The following PIGL variants were observed in gnomAD, a reference collection of about 807,000 sequenced individuals.
PIGL encodes phosphatidylinositol glycan anchor biosynthesis class L.
PIGL carries 22 observed loss-of-function variants against 31.1 expected under a neutral mutation model. That is an observed-to-expected ratio of 0.71 (90% CI 0.51 to 1.01). The LOEUF (loss-of-function observed/expected upper bound fraction) is 1.01. PIGL is among the 50% of genes least tolerant of loss of function. The pLI is 0.00. For missense variants in PIGL, 302 were observed against 315.9 expected, an observed-to-expected ratio of 0.96 and a Z score of 0.33; for synonymous variants, 131 against 117.4, an observed-to-expected ratio of 1.12 and a Z score of -0.75.
intron 1 of PIGL, among the ~76,000 whole-genome samples, chr17:16,225,912 G>A (rs1403958861): frequency 6.6e-6 from 1 of 151,818 alleles, no homozygotes; most frequent in African/African-American, 2.4e-5. Flanking sequence ...CCTGTGTGCT[G>A]GCACACACCT....
intron 2 of PIGL, among the ~76,000 whole-genome samples, chr17:16,275,363 A>T (rs971646197): frequency 6.6e-6 from 1 of 152,166 alleles, no homozygotes; most frequent in Non-Finnish European, 1.5e-5. Flanking sequence ...TTTCATTGCC[A>T]TCTTGGTTTT....
chr17:16,272,796 C>T (rs961345459), intron 2 of PIGL, among the ~76,000 whole-genome samples: 1 of 152,170 alleles, frequency 6.6e-6, no homozygotes, highest in South Asian at 2.1e-4. Flanking sequence ...TCCAGCTGTC[C>T]TCCTACCTCC....
chr17:16,223,424 A>G (rs2092638281), intron 1 of PIGL, among the ~76,000 whole-genome samples: 1 of 151,994 alleles, frequency 6.6e-6, no homozygotes, highest in African/African-American at 2.4e-5. Context: ...TAAAAATACA[A>G]AAATTAGCCG....
chr17:16,258,607 G>A (rs940973544), intron 2 of PIGL, among the ~76,000 whole-genome samples: 2 of 151,984 alleles, frequency 1.3e-5, no homozygotes, highest in African/African-American at 4.8e-5. Context: ...GGGCCCAAGC[G>A]ATTCTCCTGC....
At chr17:16,273,452 A>G (rs113699825) in intron 2 of PIGL, among the ~76,000 whole-genome samples, 1,766 of 152,350 alleles carry the variant, frequency 0.012, 48 homozygotes, top group African/African-American at 0.04. Context: ...GCTTTGAAGT[A>G]CGTCAAAATG....
intron 2 of PIGL, among the ~76,000 whole-genome samples, chr17:16,259,263 C>T (rs2092809566): frequency 6.7e-6 from 1 of 149,660 alleles, no homozygotes; most frequent in African/African-American, 2.5e-5. Flanking sequence ...TTCTAAGCCT[C>T]GATCCTGGAC....
intron 2 of PIGL, among the ~76,000 whole-genome samples, chr17:16,296,126 G>C (rs531814849): frequency 1.3e-5 from 2 of 152,204 alleles, no homozygotes; most frequent in Admixed American, 1.3e-4. Context: ...AACCCTGTTG[G>C]TATATGATGC....
chr17:16,223,703 G>T (rs186059164), intron 1 of PIGL, among the ~76,000 whole-genome samples: 101 of 151,172 alleles, frequency 6.7e-4, no homozygotes, highest in Middle Eastern at 3.4e-3. Context: ...AACATAGTGA[G>T]ACCCCATCTA....
At chr17:16,241,156 G>A (rs1037157527) in intron 2 of PIGL, among the ~76,000 whole-genome samples, 7 of 141,514 alleles carry the variant, frequency 4.9e-5, no homozygotes, top group Non-Finnish European at 1.1e-4. Context: ...GGAATTCAAC[G>A]AACAAAAGAA....
Position 16,256,076 on chromosome 17 carries a change from A to G in PIGL, c.335+22006A>G, listed in dbSNP as rs144476851. ...AGGAACAAAGCATGCATTTGGAGCT[A>G]ATACCACTCATTGGAAGAGGTTGTT... On this transcript the variant is annotated intron_variant, in intron 2 of 6. Transcript: ENST00000225609. Among the ~76,000 whole-genome samples the G allele has an allele frequency of 2.8e-3, 431 of 152,348 alleles. 3 individuals are homozygous for G. The highest frequency in any genetic ancestry group is 9.6e-3 in the African/African-American group (398 of 41,592).
At chr17:16,317,683 C>T (rs2093083782) in intron 5 of PIGL, 92 bp from the exon 6 acceptor site, 1 of 1,585,278 alleles carries the variant, frequency 6.3e-7, no homozygotes, top group Admixed American at 1.7e-5. Flanking sequence ...CCTGCCCTGC[C>T]CTGAGCCACA....
chr17:16,248,004 C>T (rs2092756109), intron 2 of PIGL, among the ~76,000 whole-genome samples: 1 of 152,164 alleles, frequency 6.6e-6, no homozygotes, highest in African/African-American at 2.4e-5. Flanking sequence ...TCTCCTGCCT[C>T]AGCCTCCCAA....
chr17:16,312,126 G>T (rs1260936127), intron 3 of PIGL, among the ~76,000 whole-genome samples: 2 of 146,164 alleles, frequency 1.4e-5, no homozygotes. Context: ...GGCTGGCCGG[G>T]CGGGGGCTGC....
Position 16,325,845 on chromosome 17 carries a change from C to T in PIGL, c.706C>T (p.Leu236Phe), listed in dbSNP as rs2093125303. The T allele has an allele frequency of 6.2e-7, 1 of 1,613,946 alleles. No individual in the cohort carries two copies. Among genetic ancestry groups the T allele is most frequent in the Admixed American group, 1.7e-5 (1 of 60,002 alleles). The change falls in exon 7 of 7, where the codon CTC becomes TTC. Residue 236 changes from leucine (L) to phenylalanine (F), a missense_variant. Leu to Phe is a conservative substitution (Grantham distance 22). Coordinates refer to ENST00000225609, the MANE Select transcript of PIGL (RefSeq NM_004278.4). ...CAGCCAGCTCCTCTGGTTCCGCCGC[C>T]TCTACATTATCTTCTCCCGGTACAT... ...HRSQLLWFRR[L>F]YIIFSRYMRI...
chr17:16,326,182 A>G lies in PIGL; in HGVS notation c.*284A>G, dbSNP rs577917726. ...AACAATTTACATAATGACACAGTAG[A>G]TGTGGAACACCTAGCCCAGTGCCTG... On this transcript the variant is annotated 3_prime_UTR_variant, in exon 7 of 7. Transcript: ENST00000225609. 5.0e-6 allele frequency: 2 copies of G among 396,636 alleles called. No homozygotes were observed. Among genetic ancestry groups the G allele is most frequent in the Non-Finnish European group, 9.1e-6 (2 of 219,820 alleles). The allele number at this position is 396,636 out of a possible 1,614,324, so 24.6% of individuals were successfully genotyped here. A position where few individuals can be genotyped will look rare whatever the true frequency, so the allele number is the denominator to read the frequency against.
intron 2 of PIGL, among the ~76,000 whole-genome samples, chr17:16,277,694 A>G (rs910434537): frequency 7.9e-5 from 12 of 152,218 alleles, no homozygotes; most frequent in African/African-American, 2.9e-4. Context: ...TTAGAGTTCT[A>G]TAATTGATTA....
chr17:16,259,298 A>G (rs1029366326), intron 2 of PIGL, among the ~76,000 whole-genome samples: 7 of 152,096 alleles, frequency 4.6e-5, no homozygotes, highest in Admixed American at 4.6e-4. Context: ...AAAAAAAAGA[A>G]TAATACATTC....
intron 2 of PIGL, among the ~76,000 whole-genome samples, chr17:16,270,723 C>A (rs1445532187): frequency 6.6e-6 from 1 of 151,610 alleles, no homozygotes; most frequent in East Asian, 1.9e-4. Context: ...ATGGTGAAAC[C>A]CCATCTCTAC....
intron 1 of PIGL, among the ~76,000 whole-genome samples, chr17:16,233,062 C>T (rs1181205649): frequency 2.0e-5 from 3 of 150,796 alleles, no homozygotes; most frequent in African/African-American, 4.9e-5. Context: ...TGCAGTGAGC[C>T]AAGATCGCGC....
Sources: allele counts gnomAD v4.1 joint callset (sites outside exome capture counted in the v4.1 genomes callset), GRCh38; gene constraint gnomAD v4.1.1; transcripts MANE v1.5; gene names NCBI Gene and HGNC (gene_info 2026-07-23, HGNC 2026-07-21).